CHERP: variants seen among roughly 807,000 people sequenced by gnomAD.
The protein encoded by CHERP is ERPROT 213-21.
CHERP carries 8 observed loss-of-function variants against 113.8 expected under a neutral mutation model. The observed-to-expected ratio is 0.07, with a 90% CI of 0.04 to 0.13. The LOEUF (loss-of-function observed/expected upper bound fraction) is 0.13, where lower values mean the gene tolerates loss of function less well. Ranked by LOEUF, CHERP falls within the 10% of genes least tolerant of loss-of-function variation. CHERP has a pLI of 1.00. For missense variants in CHERP, 884 were observed against 1,298.2 expected, an observed-to-expected ratio of 0.68 and a Z score of 4.90; for synonymous variants, 559 against 524.5, an observed-to-expected ratio of 1.07 and a Z score of -0.90.
In CHERP at chr19:16,519,055, C is replaced by T. The variant is rs567354580; in HGVS notation, c.*104G>A. ...TCCTGTGGCTCTCCACAAGTGGAGA[C>T]GGTGTAAGAACTGAGCTGTCACTGC... On this transcript the variant is annotated 3_prime_UTR_variant, in exon 17 of 17. Coordinates refer to ENST00000546361, the MANE Select transcript of CHERP (RefSeq NM_006387.6). The surrounding 1 kb of genome is among the most constrained non-coding windows in gnomAD (Gnocchi z 6.0). 299 of 1,017,742 alleles carry T rather than the reference C, an allele frequency of 2.9e-4. 7 individuals are homozygous for T. The highest frequency in any genetic ancestry group is 2.8e-3 in the South Asian group (186 of 67,180). 63.0% of individuals were successfully genotyped at this position (1,017,742 alleles called of 1,614,324 possible).
rs372237143 is a variant in CHERP, at chr19:16,542,408, G to A, written c.-30C>T. The A allele has an allele frequency of 1.0e-4, 134 of 1,346,270 alleles. No homozygotes were observed. Among genetic ancestry groups the A allele is most frequent in the Non-Finnish European group, 1.2e-4 (125 of 1,041,646 alleles). 83.4% of individuals were successfully genotyped at this position (1,346,270 alleles called of 1,614,324 possible). On this transcript the variant is annotated 5_prime_UTR_variant, in exon 1 of 17. Transcript: ENST00000546361. ...CCGGCCGCGGGGAACGTCCTCCGGCGCCACACGATCGACCACCAGCGCCGT... is the reference window on the plus strand; with the variant it reads ...CCGGCCGCGGGGAACGTCCTCCGGCACCACACGATCGACCACCAGCGCCGT...
intron 3 of CHERP, among the ~76,000 whole-genome samples, chr19:16,533,869 C>T (rs926410235): frequency 6.6e-6 from 1 of 152,104 alleles, no homozygotes; most frequent in African/African-American, 2.4e-5. Flanking sequence ...AGAGGATACA[C>T]CCATGGCCTC....
Position 16,519,625 on chromosome 19 carries a change from C to T in CHERP, c.2553G>A (p.Lys851=). Residue 851 remains lysine (K), a synonymous_variant, in exon 16 of 17, where the codon AAG becomes AAA. Transcript: ENST00000546361. The surrounding 1 kb of genome is among the most constrained non-coding windows in gnomAD (Gnocchi z 6.0). ...EENKGHQMLV[K]MGWSGSGGLG... Reference sequence around the variant, plus strand: ...CTCCCCATTCCCTCGCCTTACCCATCTTCACCAGCATCTGATGGCCTTTGT... The same window carrying T: ...CTCCCCATTCCCTCGCCTTACCCATTTTCACCAGCATCTGATGGCCTTTGT... 1 of 1,613,986 alleles carries T rather than the reference C, an allele frequency of 6.2e-7. No individual in the cohort carries two copies.
At position 16,528,617 on chromosome 19, in the gene CHERP, A is replaced by G. The variant is rs189469040; in HGVS notation, c.1130-362T>C. On this transcript the variant is annotated intron_variant, in intron 8 of 16. Transcript: ENST00000546361. Reference sequence around the variant, plus strand: ...TTATTTTCTATTCTATACAATCCTCATATTCCTACAACAAATCTTCTTTGA... The same window carrying G: ...TTATTTTCTATTCTATACAATCCTCGTATTCCTACAACAAATCTTCTTTGA... 3.1e-3 allele frequency among the ~76,000 whole-genome samples: 479 copies of G among 152,326 alleles called. 3 individuals are homozygous for G. Among genetic ancestry groups the G allele is most frequent in the Non-Finnish European group, 3.9e-3 (267 of 68,034 alleles).
At chr19:16,521,326 T>C (rs1437918311) in intron 12 of CHERP, 195 bp downstream of exon 12, 2 of 584,820 alleles carry the variant, frequency 3.4e-6, no homozygotes, top group Non-Finnish European at 6.0e-6. Context: ...TTCTGATGTG[T>C]CTCCATTAAA....
intron 2 of CHERP, among the ~76,000 whole-genome samples, chr19:16,536,134 C>T (rs2085739771): frequency 6.6e-6 from 1 of 152,236 alleles, no homozygotes; most frequent in African/African-American, 2.4e-5. Flanking sequence ...GCCGCACCCC[C>T]GAGCGCACAC....
In CHERP at chr19:16,520,217, CGACTGGGACCGG is replaced by C; in HGVS notation, c.2382_2393del (p.Gln797_Ser800del). On this transcript the variant is annotated inframe_deletion, in exon 15 of 17. Coordinates refer to ENST00000546361, the MANE Select transcript of CHERP (RefSeq NM_006387.6). The surrounding 1 kb of genome is among the most constrained non-coding windows in gnomAD (Gnocchi z 4.0). ...GGGAGTACGACTTGGACCGGGACCG[CGACTGGGACCGG>C]GAGCGGCTTCTGGAGGAGCGCGACC... 2 of 1,613,392 alleles carry C rather than the reference CGACTGGGACCGG, an allele frequency of 1.2e-6. No homozygotes were observed. The highest frequency in any genetic ancestry group is 8.5e-7 in the Non-Finnish European group (1 of 1,180,024).
At chr19:16,533,956 GC>G (rs1284646997) in intron 3 of CHERP, among the ~76,000 whole-genome samples, 1 of 152,184 alleles carries the variant, frequency 6.6e-6, no homozygotes, top group Non-Finnish European at 1.5e-5. Flanking sequence ...AAACAGAGCT[GC>G]CATGCGGACC....
chr19:16,524,582 T>C (rs1172263075), intron 10 of CHERP, among the ~76,000 whole-genome samples: 1 of 150,154 alleles, frequency 6.7e-6, no homozygotes, highest in African/African-American at 2.5e-5. Flanking sequence ...ACTAAAAGAT[T>C]AGAAATAAAA....
intron 2 of CHERP, 39 bp downstream of exon 2, chr19:16,541,831 G>T: frequency 6.3e-7 from 1 of 1,589,152 alleles, no homozygotes. Flanking sequence ...GAGAAAGGAA[G>T]CGCTCGATGG....
At position 16,532,501 on chromosome 19, in the gene CHERP, G is replaced by C; in HGVS notation, c.674+97C>G. The stretch of plus-strand genomic sequence containing the variant: ...CAAGTGCCCCCTAGTCTCGGGACAG[G>C]CCAAGCCAAGCTACCGACCGGAGCA... On this transcript the variant is annotated intron_variant, in intron 5 of 16. Transcript: ENST00000546361. This position sits in a 1 kb window ranked among gnomAD's most constrained non-coding sequence, Gnocchi z 4.4. 7.1e-7 allele frequency: 1 copy of C among 1,413,376 alleles called. No homozygotes were observed. The highest frequency in any genetic ancestry group is 1.4e-5 in the South Asian group (1 of 70,864). The allele number at this position is 1,413,376 out of a possible 1,614,324, so 87.6% of individuals were successfully genotyped here.
At chr19:16,536,069 C>T (rs1473372020) in intron 2 of CHERP, among the ~76,000 whole-genome samples, 2 of 152,200 alleles carry the variant, frequency 1.3e-5, no homozygotes, top group African/African-American at 4.8e-5. Context: ...TACCCATTGA[C>T]TGTTAAGATG....
chr19:16,519,111 C>A lies in CHERP; in HGVS notation c.*48G>T. On this transcript the variant is annotated 3_prime_UTR_variant, in exon 17 of 17. Transcript: ENST00000546361. This position sits in a 1 kb window ranked among gnomAD's most constrained non-coding sequence, Gnocchi z 6.0. ...TCCTCTGCCAGTCAGCCAGGAAGGTCCCACAGCCGGCACCGCTGGCCACCG... is the reference window on the plus strand; with the variant it reads ...TCCTCTGCCAGTCAGCCAGGAAGGTACCACAGCCGGCACCGCTGGCCACCG... 1 of 1,548,526 alleles carries A rather than the reference C, an allele frequency of 6.5e-7. No individual in the cohort carries two copies. Among genetic ancestry groups the A allele is most frequent in the Non-Finnish European group, 8.8e-7 (1 of 1,137,342 alleles).
chr19:16,519,014 C>T lies in CHERP; in HGVS notation c.*145G>A. On this transcript the variant is annotated 3_prime_UTR_variant, in exon 17 of 17. Coordinates refer to ENST00000546361, the MANE Select transcript of CHERP (RefSeq NM_006387.6). The surrounding 1 kb of genome is among the most constrained non-coding windows in gnomAD (Gnocchi z 6.0). ...GCACGGCGTTCCCACTGGGCATGCG[C>T]TGGTCTTCCTTCTCTTCCTGTGGCT... 1.3e-6 allele frequency: 1 copy of T among 783,726 alleles called. No individual in the cohort carries two copies. The highest frequency in any genetic ancestry group is 1.8e-5 in the South Asian group (1 of 54,984). The allele number at this position is 783,726 out of a possible 1,614,324, so 48.5% of individuals were successfully genotyped here.
At position 16,519,929 on chromosome 19, in the gene CHERP, G is replaced by C; in HGVS notation, c.2463-214C>G. 1 of 657,888 alleles carries C rather than the reference G, an allele frequency of 1.5e-6. No individual in the cohort carries two copies. Among genetic ancestry groups the C allele is most frequent in the African/African-American group, 1.8e-5 (1 of 55,174 alleles). The allele number at this position is 657,888 out of a possible 1,614,324, so 40.8% of individuals were successfully genotyped here. On this transcript the variant is annotated intron_variant, in intron 15 of 16. Transcript: ENST00000546361. The surrounding 1 kb of genome is among the most constrained non-coding windows in gnomAD (Gnocchi z 6.0). ...CACCCCACGCTCAGCATTGAGAGCA[G>C]GACACCTCCAACCCAGATGGTGGTT...
intron 1 of CHERP, 49 bp from the exon 2 acceptor site, chr19:16,542,092 A>G: frequency 6.4e-7 from 1 of 1,559,160 alleles, no homozygotes; most frequent in Non-Finnish European, 8.7e-7. Flanking sequence ...GGACCGCCCA[A>G]AGCCGGGGGA....
Position 16,533,152 on chromosome 19 carries a change from C to T in CHERP, c.385-4G>A, listed in dbSNP as rs747405310. ...CCACGGCCGCTGTCACTTGCTCCTG[C>T]GGGCGGGGGTCGGTGGGGTCGAGAA... is the stretch of plus-strand genomic sequence containing the variant. On this transcript the variant is annotated splice_region_variant and splice_polypyrimidine_tract_variant and intron_variant, in intron 3 of 16. Coordinates refer to ENST00000546361, the MANE Select transcript of CHERP (RefSeq NM_006387.6). 2.2e-5 allele frequency: 35 copies of T among 1,580,974 alleles called. No individual in the cohort carries two copies. The highest frequency in any genetic ancestry group is 6.7e-5 in the African/African-American group (5 of 74,562).
chr19:16,519,496 G>A lies in CHERP; in HGVS notation c.2557+125C>T. 1 of 1,247,382 alleles carries A rather than the reference G, an allele frequency of 8.0e-7. No individual in the cohort carries two copies. Among genetic ancestry groups the A allele is most frequent in the Non-Finnish European group, 1.2e-6 (1 of 866,480 alleles). The allele number at this position is 1,247,382 out of a possible 1,614,324, so 77.3% of individuals were successfully genotyped here. ...GGCCGGCCCTGTCTAGAGGGTCTGG[G>A]TGGAGTCAGAACCGGCCTGACTCCA... On this transcript the variant is annotated intron_variant, in intron 16 of 16. Transcript: ENST00000546361. This position sits in a 1 kb window ranked among gnomAD's most constrained non-coding sequence, Gnocchi z 6.0.
At chr19:16,521,212 G>GCC (rs953243637) in intron 12 of CHERP, 2 of 576,802 alleles carry the variant, frequency 3.5e-6, no homozygotes, top group African/African-American at 3.7e-5. Flanking sequence ...CAGGCCTGCA[G>GCC]CCCAGCACAG....
Sources: gnomAD v4.1 joint callset for allele counts (sites outside exome capture counted in the v4.1 genomes callset) on GRCh38, gnomAD v4.1.1 for gene constraint, Gnocchi (gnomAD v3.1) non-coding constraint, MANE v1.5 for transcripts, NCBI Gene and HGNC (gene_info 2026-07-23, HGNC 2026-07-21) for gene names.